Variants in EBF2 observed in about 807,000 individuals in gnomAD.
The protein encoded by EBF2 is transcription factor COE2.
A neutral mutation model predicts 72.8 loss-of-function variants in EBF2; 21 were observed. The ratio of observed to expected loss-of-function variants is 0.29; its 90% confidence interval spans 0.20 to 0.42. The LOEUF (loss-of-function observed/expected upper bound fraction) is 0.42, where lower values mean the gene tolerates loss of function less well. Among genes scored for constraint, EBF2 ranks in the 10% least tolerant of loss-of-function variants. EBF2 has a pLI of 1.00. For synonymous variants in EBF2, 299 were observed against 274.2 expected (o/e 1.09, Z -0.89); for missense variants, 637 against 731.2 (o/e 0.87, Z 1.49).
At chr8:25,851,268 A>T (rs372812906) in intron 14 of EBF2, among the ~76,000 whole-genome samples, 5 of 147,986 alleles carry the variant, frequency 3.4e-5, no homozygotes, top group African/African-American at 9.7e-5. Flanking sequence ...TGAGAGTGCC[A>T]TCTCTATGGG....
chr8:26,024,286 T>C (rs1254522464), intron 6 of EBF2, among the ~76,000 whole-genome samples: 1 of 152,132 alleles, frequency 6.6e-6, no homozygotes, highest in Non-Finnish European at 1.5e-5. Flanking sequence ...AGAGTGCTTA[T>C]CCTTTTATCT....
At chr8:25,940,633 T>TA (rs111367567) in intron 6 of EBF2, among the ~76,000 whole-genome samples, 5,974 of 138,012 alleles carry the variant, frequency 0.043, 414 homozygotes, top group African/African-American at 0.15. Context: ...AAAAAAAAAA[T>TA]AAAAAAAAAA....
Position 25,893,633 on chromosome 8 carries a change from T to C in EBF2, c.634-3764A>G, listed in dbSNP as rs184255175. ...GGCACACTAAGGGGAACCTGGGCCC[T>C]GTCTGAGGATTACGTGGAGGTAAAG... On this transcript the variant is annotated intron_variant, in intron 7 of 15. Transcript: ENST00000520164. 3.2e-4 allele frequency among the ~76,000 whole-genome samples: 49 copies of C among 152,260 alleles called. No homozygotes were observed. In the East Asian group the frequency reaches 9.5e-3, roughly 29 times the overall value.
At chr8:25,985,791 G>A (rs1441268057) in intron 6 of EBF2, among the ~76,000 whole-genome samples, 2 of 151,862 alleles carry the variant, frequency 1.3e-5, no homozygotes, top group Non-Finnish European at 2.9e-5. Flanking sequence ...CTTGAGCCCA[G>A]GAGTTTAAGA....
At chr8:25,976,843 G>T (rs754256488) in intron 6 of EBF2, among the ~76,000 whole-genome samples, 2 of 152,084 alleles carry the variant, frequency 1.3e-5, no homozygotes, top group Admixed American at 6.5e-5. Context: ...GATAATAAAG[G>T]GTTTAAACTT....
intron 6 of EBF2, among the ~76,000 whole-genome samples, chr8:25,951,073 T>A (rs1466114323): frequency 6.6e-6 from 1 of 152,212 alleles, no homozygotes; most frequent in Non-Finnish European, 1.5e-5. Context: ...GCTTCCCTAA[T>A]CCTTCTGATT....
chr8:25,886,929 T>C, intron 9 of EBF2, 48 bp from the exon 10 acceptor site: 1 of 1,599,736 alleles, frequency 6.3e-7, no homozygotes, highest in Non-Finnish European at 8.5e-7. Flanking sequence ...AGACAAGCCA[T>C]CACCAAGGAC....
chr8:25,992,025 CT>C (rs1804552308), intron 6 of EBF2, among the ~76,000 whole-genome samples: 1 of 151,154 alleles, frequency 6.6e-6, no homozygotes, highest in South Asian at 2.1e-4. Flanking sequence ...TATGATGAAT[CT>C]TTTTTTGTTT....
At chr8:25,935,100 A>C (rs762432281) in intron 6 of EBF2, among the ~76,000 whole-genome samples, 28 of 152,100 alleles carry the variant, frequency 1.8e-4, no homozygotes, top group Non-Finnish European at 2.9e-4. Flanking sequence ...AATTTTTTTT[A>C]AGTGGCTTTT....
At chr8:25,890,432 G>C (rs1802757762) in intron 7 of EBF2, among the ~76,000 whole-genome samples, 1 of 152,200 alleles carries the variant, frequency 6.6e-6, no homozygotes, top group Non-Finnish European at 1.5e-5. Flanking sequence ...GTTGAAAATA[G>C]AGGATGTGTA....
chr8:25,859,042 G>T (rs1184098047), intron 13 of EBF2, among the ~76,000 whole-genome samples: 2 of 152,086 alleles, frequency 1.3e-5, no homozygotes, highest in African/African-American at 4.8e-5. Context: ...CCTGCACTCA[G>T]CACCTCCAGC....
intron 6 of EBF2, among the ~76,000 whole-genome samples, chr8:25,943,146 T>C (rs1235610830): frequency 6.6e-6 from 1 of 151,898 alleles, no homozygotes; most frequent in African/African-American, 2.4e-5. Flanking sequence ...TAGAAGAAAC[T>C]TCAGAGGCCA....
rs1585202030 is a variant in EBF2 at position 25,939,337 on chromosome 8, G to A, written c.552-30782C>T. ...AATGGAAAAAACTTAACATGTGACA[G>A]CTTTTCCTAGAGTTTCCTGACACAT... On this transcript the variant is annotated intron_variant, in intron 6 of 15. Transcript: ENST00000520164. 2.6e-5 allele frequency among the ~76,000 whole-genome samples: 4 copies of A among 152,250 alleles called. No homozygotes were observed. In the South Asian group the frequency reaches 8.3e-4, roughly 32 times the overall value.
intron 14 of EBF2, 180 bp downstream of exon 14, chr8:25,858,139 G>A (rs568508990): frequency 3.0e-5 from 24 of 801,380 alleles, no homozygotes; most frequent in African/African-American, 5.1e-5. Flanking sequence ...GAGTAACCAC[G>A]TGAGCCAAAG....
intron 1 of EBF2, 37 bp from the exon 2 acceptor site, chr8:26,042,288 G>A (rs1017559998): frequency 6.3e-7 from 1 of 1,588,106 alleles, no homozygotes; most frequent in Non-Finnish European, 8.6e-7. Flanking sequence ...ACAAGACACG[G>A]GGAAGCACAA....
intron 10 of EBF2, among the ~76,000 whole-genome samples, chr8:25,863,698 TA>T (rs199690835): frequency 0.019 from 2,897 of 152,300 alleles, 52 homozygotes; most frequent in African/African-American, 0.047. Context: ...TCTTATTTTT[TA>T]TATATATGTT....
intron 6 of EBF2, among the ~76,000 whole-genome samples, chr8:25,949,033 A>G (rs892341920): frequency 1.3e-5 from 2 of 152,234 alleles, no homozygotes; most frequent in African/African-American, 4.8e-5. Context: ...TGCAGTCATC[A>G]TCATCACCAC....
intron 10 of EBF2, among the ~76,000 whole-genome samples, chr8:25,883,183 T>C (rs961940956): frequency 2.0e-5 from 3 of 152,228 alleles, no homozygotes; most frequent in African/African-American, 7.2e-5. Context: ...TTTTCACAGG[T>C]GTATAGGCTC....
intron 14 of EBF2, among the ~76,000 whole-genome samples, chr8:25,854,629 T>C (rs769458343): frequency 6.6e-6 from 1 of 152,242 alleles, no homozygotes; most frequent in Non-Finnish European, 1.5e-5. Flanking sequence ...TTTCAAGTTG[T>C]CTGTAATGAG....
Sources: gnomAD v4.1 joint callset for allele counts (sites outside exome capture counted in the v4.1 genomes callset) on GRCh38, gnomAD v4.1.1 for gene constraint, MANE v1.5 for transcripts, NCBI Gene and HGNC (gene_info 2026-07-23, HGNC 2026-07-21) for gene names.